Variants in PRKCZ observed in about 807,000 individuals in gnomAD.
PRKCZ encodes protein kinase C zeta, also known as protein kinase C zeta type.
PRKCZ carries 33 observed loss-of-function variants against 79.5 expected under a neutral mutation model. That is an observed-to-expected ratio of 0.41 (90% CI 0.31 to 0.55). The LOEUF is 0.55. PRKCZ is among the 20% of genes least tolerant of loss of function. The probability of loss-of-function intolerance (pLI) is 0.19; values close to 1 mark genes in which losing one functional copy is unlikely to be tolerated. For synonymous variants in PRKCZ, 342 were observed against 320.9 expected, an observed-to-expected ratio of 1.07 and a Z score of -0.70; for missense variants, 578 against 813.5, an observed-to-expected ratio of 0.71 and a Z score of 3.52.
chr1:2,073,061 C>T (rs1046418270), intron 4 of PRKCZ, among the ~76,000 whole-genome samples: 1 of 152,118 alleles, frequency 6.6e-6, no homozygotes, highest in African/African-American at 2.4e-5. Flanking sequence ...TCAGGCCACC[C>T]AGCGGCGGTG....
At chr1:2,169,632 G>T (rs1684027022) in intron 11 of PRKCZ, 28 bp downstream of exon 11, 1 of 1,454,498 alleles carries the variant, frequency 6.9e-7, no homozygotes, top group Non-Finnish European at 9.2e-7. Context: ...GGGCCGGGTG[G>T]GTGCGCCCGG....
At chr1:2,124,818 T>C (rs1356525895) in intron 4 of PRKCZ, among the ~76,000 whole-genome samples, 1 of 151,826 alleles carries the variant, frequency 6.6e-6, no homozygotes, top group Non-Finnish European at 1.5e-5. Flanking sequence ...GGCGCATCTC[T>C]CTGGCAACAC....
At chr1:2,152,716 C>T (rs1025527023) in intron 9 of PRKCZ, among the ~76,000 whole-genome samples, 14 of 152,210 alleles carry the variant, frequency 9.2e-5, no homozygotes, top group African/African-American at 3.4e-4. Flanking sequence ...TGCCTTCTTC[C>T]TCTGCGGACT....
intron 4 of PRKCZ, among the ~76,000 whole-genome samples, chr1:2,126,043 T>C (rs1476628210): frequency 6.6e-6 from 1 of 152,028 alleles, no homozygotes; most frequent in African/African-American, 2.4e-5. Context: ...CCGATCGCTC[T>C]ATCCAAGGCT....
Position 2,059,560 on chromosome 1 carries a change from G to C in PRKCZ, c.303G>C (p.Glu101Asp), listed in dbSNP as rs1207698696. The change falls in exon 4 of 18, where the codon GAG (glutamate) becomes GAC (aspartate). Residue 101 changes from glutamate to aspartate, a missense_variant. Glu to Asp is a conservative substitution (Grantham distance 45, BLOSUM62 2). This residue lies in a region of PRKCZ where 228 missense variants were observed against 211.6 expected (regional missense o/e 1.08). Coordinates refer to ENST00000378567, the MANE Select transcript of PRKCZ (RefSeq NM_002744.6). ...GTCCAGTTTTCCCGAGCACCCCTGA[G>C]CAGCCTGGCCTGCCATGTCCGGGAG... ...LIIHVFPSTPEQPGLPCPGED... is the reference protein window; with the variant it reads ...LIIHVFPSTPDQPGLPCPGED... The C allele has an allele frequency of 1.9e-6, 3 of 1,614,214 alleles. No homozygotes were observed. Among genetic ancestry groups the C allele is most frequent in the East Asian group, 2.2e-5 (1 of 44,886 alleles).
At position 2,125,777 on chromosome 1, in the gene PRKCZ, A is replaced by G. The variant is rs1489406522; in HGVS notation, c.335-9485A>G. Among the ~76,000 whole-genome samples the G allele has an allele frequency of 1.3e-5, 2 of 152,356 alleles. No homozygotes were observed. The highest frequency in any genetic ancestry group is 6.5e-5 in the Admixed American group (1 of 15,308). Reference sequence around the variant, plus strand: ...TTGCTCAGGGTCCCTCCAGCAGTCCATGCCGCAGAGGCTGTCCCTTGGGGG... The same window carrying G: ...TTGCTCAGGGTCCCTCCAGCAGTCCGTGCCGCAGAGGCTGTCCCTTGGGGG... On this transcript the variant is annotated intron_variant, in intron 4 of 17. Transcript: ENST00000378567. The surrounding 1 kb of genome is among the most constrained non-coding windows in gnomAD (Gnocchi z 4.2).
At chr1:2,147,005 T>G (rs196128) in intron 7 of PRKCZ, among the ~76,000 whole-genome samples, 35,811 of 151,874 alleles carry the variant, frequency 0.24, 4,846 homozygotes, top group Admixed American at 0.33. Flanking sequence ...CATCTCGTCA[T>G]CCAGCCAGCC....
chr1:2,104,025 G>A (rs1425984907), intron 4 of PRKCZ, among the ~76,000 whole-genome samples: 2 of 152,224 alleles, frequency 1.3e-5, no homozygotes, highest in African/African-American at 2.4e-5. Context: ...CACGCAGACG[G>A]GAGGGAGCTT....
chr1:2,165,793 C>T lies in PRKCZ; in HGVS notation c.975-3725C>T, dbSNP rs956614455. 1.3e-5 allele frequency among the ~76,000 whole-genome samples: 2 copies of T among 152,184 alleles called. No homozygotes were observed. The highest frequency in any genetic ancestry group is 4.8e-5 in the African/African-American group (2 of 41,436). ...TCCAGGAGAGGGCTGTGGTTCCTCC[C>T]TCTGAGCCGGGCACCTTGCATTCCT... On this transcript the variant is annotated intron_variant, in intron 10 of 17. Transcript: ENST00000378567. The surrounding 1 kb of genome is among the most constrained non-coding windows in gnomAD (Gnocchi z 4.1).
chr1:2,117,512 G>C (rs1442064915), intron 4 of PRKCZ, among the ~76,000 whole-genome samples: 2 of 152,102 alleles, frequency 1.3e-5, no homozygotes, highest in Admixed American at 1.3e-4. Context: ...GTGACCGGCT[G>C]TTTGTTTCTG....
At chr1:2,053,250 G>A (rs1391942925) in intron 1 of PRKCZ, among the ~76,000 whole-genome samples, 3 of 152,022 alleles carry the variant, frequency 2.0e-5, no homozygotes, top group Middle Eastern at 3.2e-3. Context: ...ACAGACGCCC[G>A]CCACCACGCC....
intron 10 of PRKCZ, among the ~76,000 whole-genome samples, chr1:2,167,539 C>T (rs993914319): frequency 2.6e-5 from 4 of 152,062 alleles, no homozygotes; most frequent in Non-Finnish European, 4.4e-5. Flanking sequence ...CCCATTGGGG[C>T]GTGTAACTCC....
chr1:2,087,001 T>C (rs1179346415), intron 4 of PRKCZ, among the ~76,000 whole-genome samples: 2 of 152,214 alleles, frequency 1.3e-5, no homozygotes, highest in African/African-American at 2.4e-5. Flanking sequence ...TTGTTGTCTT[T>C]CGTGGGGTTA....
intron 3 of PRKCZ, 105 bp from the exon 4 acceptor site, chr1:2,059,436 C>T (rs565018123): frequency 6.5e-6 from 9 of 1,386,446 alleles, no homozygotes; most frequent in Admixed American, 1.8e-5. Flanking sequence ...GTGCGCCTTG[C>T]GTGAAGTCCA....
At chr1:2,183,479 G>A (rs1346511959) in intron 16 of PRKCZ, 1 of 152,244 alleles carries the variant, frequency 6.6e-6, no homozygotes, top group Non-Finnish European at 1.5e-5. Context: ...ATGGGAGTGG[G>A]TTAGAGAGGG....
chr1:2,075,706 A>T lies in PRKCZ; in HGVS notation c.334+16115A>T, dbSNP rs949140196. 1.3e-5 allele frequency among the ~76,000 whole-genome samples: 2 copies of T among 152,090 alleles called. No individual in the cohort carries two copies. The highest frequency in any genetic ancestry group is 2.9e-5 in the Non-Finnish European group (2 of 68,000). On this transcript the variant is annotated intron_variant, in intron 4 of 17. Transcript: ENST00000378567. The surrounding 1 kb of genome is among the most constrained non-coding windows in gnomAD (Gnocchi z 4.8). ...GTTTCCGAGGCTCCCAGTTAATCAG[A>T]TCTGTCAGCCCAGTGTCCACAGGGT...
rs541000723 is a variant in PRKCZ, at chr1:2,050,568, C to T, written c.-63C>T. Reference sequence around the variant, plus strand: ...TCCGCCGCGGCCCCACCTGGAGCCCCCGCCCCGCGCCATGGCCGGAGCTCC... The same window carrying T: ...TCCGCCGCGGCCCCACCTGGAGCCCTCGCCCCGCGCCATGGCCGGAGCTCC... On this transcript the variant is annotated 5_prime_UTR_variant, in exon 1 of 18. Transcript: ENST00000378567. 6.4e-6 allele frequency: 7 copies of T among 1,092,204 alleles called. No homozygotes were observed. In the East Asian group the frequency reaches 2.4e-4, roughly 37 times the overall value. 67.7% of individuals were successfully genotyped at this position (1,092,204 alleles called of 1,614,324 possible).
intron 10 of PRKCZ, among the ~76,000 whole-genome samples, chr1:2,161,621 C>T (rs780760878): frequency 6.6e-6 from 1 of 152,220 alleles, no homozygotes; most frequent in South Asian, 2.1e-4. Flanking sequence ...TCGGGAGGCA[C>T]TGGCCGCTCT....
At chr1:2,150,349 G>A (rs1381903927) in intron 8 of PRKCZ, among the ~76,000 whole-genome samples, 2 of 152,132 alleles carry the variant, frequency 1.3e-5, no homozygotes, top group African/African-American at 2.4e-5. Context: ...TGTGCCTGCC[G>A]GTTTGGGAGC....
Sources: gnomAD v4.1 joint callset for allele counts (sites outside exome capture counted in the v4.1 genomes callset) on GRCh38, gnomAD v4.1.1 for gene constraint, gnomAD v4.1.1 regional missense constraint, Gnocchi (gnomAD v3.1) non-coding constraint, MANE v1.5 for transcripts, NCBI Gene and HGNC (gene_info 2026-07-23, HGNC 2026-07-21) for gene names.